The following LAMA3 variants were observed in gnomAD, a reference collection of about 807,000 sequenced individuals.
The protein encoded by LAMA3 is laminin subunit alpha 3, also known as laminin subunit alpha-3.
LAMA3 carries 281 observed loss-of-function variants against 402.0 expected under a neutral mutation model. The observed-to-expected ratio is 0.70, with a 90% CI of 0.63 to 0.77. The LOEUF (loss-of-function observed/expected upper bound fraction) is 0.77. Among genes scored for constraint, LAMA3 ranks in the 30% least tolerant of loss-of-function variants. LAMA3 has a pLI of 0.00. For missense variants in LAMA3, 3,840 were observed against 4,215.5 expected, an observed-to-expected ratio of 0.91 and a Z score of 2.47; for synonymous variants, 1,431 against 1,558.4, an observed-to-expected ratio of 0.92 and a Z score of 1.93.
rs1299280490 is a variant in LAMA3, at chr18:23,784,087, C to A, written c.1533C>A (p.Cys511Ter). 6.2e-7 allele frequency: 1 copy of A among 1,614,078 alleles called. No individual in the cohort carries two copies. Among genetic ancestry groups the A allele is most frequent in the South Asian group, 1.1e-5 (1 of 91,080 alleles). Reference protein sequence around the residue: ...EICDAHGRCLCRPGVEGPRCD... With the variant: ...EICDAHGRCL Reference sequence around the variant, plus strand: ...GTGATGCCCACGGACGGTGCCTGTGCCGCCCTGGGGTTGAGGGCCCTCGAT... The same window carrying A: ...GTGATGCCCACGGACGGTGCCTGTGACGCCCTGGGGTTGAGGGCCCTCGAT... The change falls in exon 12 of 75, where the codon TGC becomes TGA. Residue 511 changes from cysteine (C) to a stop codon, truncating the protein, a stop_gained. Transcript: ENST00000313654. LOFTEE classifies it high-confidence loss of function.
At chr18:23,885,203 T>C (rs867961189) in intron 41 of LAMA3, among the ~76,000 whole-genome samples, 8 of 147,898 alleles carry the variant, frequency 5.4e-5, no homozygotes, top group Middle Eastern at 6.9e-3. Flanking sequence ...TATTTCGACA[T>C]GTCCCTTCCA....
chr18:23,717,318 A>G (rs1028178919), intron 2 of LAMA3, among the ~76,000 whole-genome samples: 4 of 152,130 alleles, frequency 2.6e-5, no homozygotes, highest in Non-Finnish European at 4.4e-5. Context: ...GAGAAGTGGG[A>G]ATTTTGAGGC....
At chr18:23,921,285 G>C (rs1053862297) in intron 61 of LAMA3, among the ~76,000 whole-genome samples, 167 bp from the exon 62 acceptor site, 1 of 152,154 alleles carries the variant, frequency 6.6e-6, no homozygotes, top group Non-Finnish European at 1.5e-5. Context: ...CTATCAAAAT[G>C]TTTTAGTATC....
Position 23,954,615 on chromosome 18 carries a change from G to A in LAMA3, c.9969G>A (p.Gly3323=), listed in dbSNP as rs1156530332. The part of the protein sequence containing the change: ...VPVTEALEVQ[G]PVSLNGCPDQ The stretch of plus-strand genomic sequence containing the variant: ...TCACTGAAGCCTTGGAAGTCCAGGG[G>A]CCTGTCAGTCTGAATGGTTGTCCTG... The change falls in exon 75 of 75, where the codon GGG becomes GGA. Residue 3323 remains glycine, a synonymous_variant. Transcript: ENST00000313654. 2 of 1,613,964 alleles carry A rather than the reference G, an allele frequency of 1.2e-6. No homozygotes were observed. Among genetic ancestry groups the A allele is most frequent in the East Asian group, 2.2e-5 (1 of 44,874 alleles).
At chr18:23,896,452 T>A (rs746099942) in intron 44 of LAMA3, among the ~76,000 whole-genome samples, 3 of 152,260 alleles carry the variant, frequency 2.0e-5, no homozygotes, top group Non-Finnish European at 4.4e-5. Flanking sequence ...AACTCTTTCA[T>A]GGTCAGAGAA....
chr18:23,862,975 C>T (rs2064260018), intron 35 of LAMA3, among the ~76,000 whole-genome samples: 1 of 142,284 alleles, frequency 7.0e-6, no homozygotes, highest in Admixed American at 7.5e-5. Flanking sequence ...CCCAAAGCAA[C>T]TTATGGGGGG....
At chr18:23,700,140 G>A (rs761135881) in intron 1 of LAMA3, among the ~76,000 whole-genome samples, 24 of 152,034 alleles carry the variant, frequency 1.6e-4, no homozygotes, top group Non-Finnish European at 3.2e-4. Flanking sequence ...ACCTAGGTAA[G>A]ACATGTTCCT....
At chr18:23,754,949 C>T (rs922640752) in intron 6 of LAMA3, among the ~76,000 whole-genome samples, 6 of 152,308 alleles carry the variant, frequency 3.9e-5, no homozygotes, top group Admixed American at 6.5e-5. Flanking sequence ...CTGTGATGTG[C>T]GTTGTGGGGC....
rs1159428936 is a variant in LAMA3 at position 23,861,629 on chromosome 18, T to G, written c.4423-17T>G. 1 of 1,613,980 alleles carries G rather than the reference T, an allele frequency of 6.2e-7. No homozygotes were observed. Among genetic ancestry groups the G allele is most frequent in the Non-Finnish European group, 8.5e-7 (1 of 1,180,004 alleles). On this transcript the variant is annotated splice_polypyrimidine_tract_variant and intron_variant, in intron 34 of 74. Coordinates refer to ENST00000313654, the MANE Select transcript of LAMA3 (RefSeq NM_198129.4). ...GACCAAGACGTTTCCATCCCTTGCT[T>G]CTCTCCCTCTTTCCAGTTTGTGGAT... is the stretch of plus-strand genomic sequence containing the variant.
intron 2 of LAMA3, among the ~76,000 whole-genome samples, chr18:23,720,533 T>C (rs2061191836): frequency 1.3e-5 from 2 of 152,032 alleles, no homozygotes; most frequent in African/African-American, 4.8e-5. Flanking sequence ...TTTTTTGTAT[T>C]TTTAGTGTGA....
At position 23,758,445 on chromosome 18, in the gene LAMA3, T is replaced by TG. The variant is rs759757209; in HGVS notation, c.998dup (p.Cys333TrpfsTer22). The TG allele has an allele frequency of 1.8e-5, 29 of 1,614,090 alleles. No homozygotes were observed. The highest frequency in any genetic ancestry group is 2.5e-5 in the Non-Finnish European group (29 of 1,180,046). Reference sequence around the variant, plus strand: ...CACCTGTGGGGAGACGTGTGATCGCTGCTGCACAGGGTACAATCAGAGGCG... The same window carrying TG: ...CACCTGTGGGGAGACGTGTGATCGCTGGCTGCACAGGGTACAATCAGAGGCG... On this transcript the variant is annotated frameshift_variant, in exon 7 of 75. Coordinates refer to ENST00000313654, the MANE Select transcript of LAMA3 (RefSeq NM_198129.4). LOFTEE classifies it high-confidence loss of function.
chr18:23,737,952 G>A (rs1412889460), intron 2 of LAMA3, among the ~76,000 whole-genome samples: 1 of 152,226 alleles, frequency 6.6e-6, no homozygotes, highest in African/African-American at 2.4e-5. Context: ...CAGGGGGCTG[G>A]GGTCAGGCTT....
intron 2 of LAMA3, among the ~76,000 whole-genome samples, chr18:23,743,354 C>T (rs1053518944): frequency 3.3e-5 from 5 of 152,156 alleles, no homozygotes; most frequent in Non-Finnish European, 7.3e-5. Context: ...AGGACCACTT[C>T]GGGGTTCAGC....
chr18:23,796,542 T>G (rs1399644724), intron 12 of LAMA3, among the ~76,000 whole-genome samples: 1 of 152,212 alleles, frequency 6.6e-6, no homozygotes, highest in Non-Finnish European at 1.5e-5. Flanking sequence ...GGAAACCCTG[T>G]GAGGTCTAAC....
At chr18:23,881,013 T>G (rs1193167647) in intron 39 of LAMA3, among the ~76,000 whole-genome samples, 2 of 152,250 alleles carry the variant, frequency 1.3e-5, no homozygotes, top group Non-Finnish European at 2.9e-5. Context: ...GCCCATAAAA[T>G]TAACACAAAG....
intron 12 of LAMA3, among the ~76,000 whole-genome samples, chr18:23,786,782 A>G (rs1415806439): frequency 6.6e-6 from 1 of 152,268 alleles, no homozygotes; most frequent in African/African-American, 2.4e-5. Context: ...CATCTAATTG[A>G]ATAGAGAATA....
At chr18:23,868,935 A>C (rs1351207284) in intron 37 of LAMA3, among the ~76,000 whole-genome samples, 1 of 152,244 alleles carries the variant, frequency 6.6e-6, no homozygotes, top group Non-Finnish European at 1.5e-5. Context: ...ACTTGCAGAC[A>C]TATTTTAATG....
chr18:23,727,514 T>G (rs2061320552), intron 2 of LAMA3, among the ~76,000 whole-genome samples: 1 of 151,746 alleles, frequency 6.6e-6, no homozygotes, highest in African/African-American at 2.4e-5. Flanking sequence ...TTACTACAGA[T>G]GGGGTTTTGC....
chr18:23,831,461 C>T (rs2063488920), intron 23 of LAMA3, among the ~76,000 whole-genome samples: 1 of 152,024 alleles, frequency 6.6e-6, no homozygotes, highest in Admixed American at 6.6e-5. Context: ...AAACACTCTT[C>T]TCTCCCCTAT....
Sources: gnomAD v4.1 joint callset for allele counts (sites outside exome capture counted in the v4.1 genomes callset) on GRCh38, gnomAD v4.1.1 for gene constraint, MANE v1.5 for transcripts, NCBI Gene and HGNC (gene_info 2026-07-23, HGNC 2026-07-21) for gene names.